The following CHKA variants were observed in gnomAD, a reference collection of about 807,000 sequenced individuals.
The protein encoded by CHKA is choline kinase alpha.
Under a neutral mutation model 60.1 loss-of-function variants are expected in CHKA, and 34 were observed. The ratio of observed to expected loss-of-function variants is 0.57; its 90% CI spans 0.43 to 0.75. The LOEUF (loss-of-function observed/expected upper bound fraction) is 0.75, where lower values mean the gene tolerates loss of function less well. CHKA is among the 30% of genes least tolerant of loss of function. The pLI is 0.00. For synonymous variants in CHKA, 217 were observed against 223.1 expected (o/e 0.97, Z 0.24); for missense variants, 563 against 561.3 (o/e 1.00, Z -0.03).
At chr11:68,083,038 C>T (rs1857037269) in intron 2 of CHKA, among the ~76,000 whole-genome samples, 2 of 152,346 alleles carry the variant, frequency 1.3e-5, no homozygotes, top group South Asian at 2.1e-4. Context: ...CGCATCGTTC[C>T]TTAGACTCTG....
chr11:68,111,781 C>A (rs935177685), intron 1 of CHKA, among the ~76,000 whole-genome samples: 1 of 151,596 alleles, frequency 6.6e-6, no homozygotes, highest in African/African-American at 2.4e-5. Flanking sequence ...ATGCCCGGAG[C>A]GGTAGCTCAC....
chr11:68,061,095 G>GTTTTTTTTTTTTTTTTTTT (rs757176198), intron 11 of CHKA, among the ~76,000 whole-genome samples: 1 of 70,840 alleles, frequency 1.4e-5, no homozygotes, highest in Admixed American at 1.6e-4. Context: ...GTCAGTGACA[G>GTTTTTTTTTTTTTTTTTTT]TTTTTTTTTT....
chr11:68,105,368 A>G (rs773948122), intron 1 of CHKA, among the ~76,000 whole-genome samples: 18 of 151,768 alleles, frequency 1.2e-4, no homozygotes, highest in Non-Finnish European at 2.5e-4. Context: ...TACAAAAATT[A>G]GCTGGGCATG....
chr11:68,084,359 TAC>T (rs1565183185), intron 2 of CHKA, among the ~76,000 whole-genome samples: 1 of 136,940 alleles, frequency 7.3e-6, no homozygotes, highest in African/African-American at 2.7e-5. Context: ...TATATATATA[TAC>T]ACATATATAC....
chr11:68,104,238 G>A (rs1183726681), intron 1 of CHKA, among the ~76,000 whole-genome samples: 1 of 152,116 alleles, frequency 6.6e-6, no homozygotes, highest in Non-Finnish European at 1.5e-5. Context: ...GTCAGGCACA[G>A]AAAGACAGTA....
At chr11:68,111,209 C>T (rs1858121351) in intron 1 of CHKA, among the ~76,000 whole-genome samples, 5 of 151,128 alleles carry the variant, frequency 3.3e-5, no homozygotes, top group Admixed American at 2.6e-4. Flanking sequence ...GTCAGGAGTT[C>T]GAGACCAGCC....
At chr11:68,117,735 T>C (rs1182522043) in intron 1 of CHKA, among the ~76,000 whole-genome samples, 1 of 152,114 alleles carries the variant, frequency 6.6e-6, no homozygotes, top group East Asian at 1.9e-4. Context: ...GTTTAGACCA[T>C]GCAAACAAGT....
At chr11:68,069,787 G>C (rs1446126065) in intron 6 of CHKA, among the ~76,000 whole-genome samples, 1 of 152,068 alleles carries the variant, frequency 6.6e-6, no homozygotes, top group Non-Finnish European at 1.5e-5. Context: ...TCAGAGATCA[G>C]TATGAAGACT....
At chr11:68,065,110 C>G (rs886777464) in intron 9 of CHKA, among the ~76,000 whole-genome samples, 2 of 152,184 alleles carry the variant, frequency 1.3e-5, no homozygotes, top group African/African-American at 4.8e-5. Flanking sequence ...AAGATATTTC[C>G]TCCCACTACT....
chr11:68,085,252 C>A (rs1479186782), intron 2 of CHKA, among the ~76,000 whole-genome samples: 1 of 152,102 alleles, frequency 6.6e-6, no homozygotes, highest in East Asian at 1.9e-4. Context: ...GAGACTGGGT[C>A]TCGCTCTGTC....
chr11:68,112,310 G>T (rs767312002), intron 1 of CHKA, among the ~76,000 whole-genome samples: 12 of 151,904 alleles, frequency 7.9e-5, no homozygotes, highest in Non-Finnish European at 1.8e-4. Context: ...AGTCTGGAGT[G>T]CAGTGCCGCA....
At chr11:68,108,787 T>C (rs1690916070) in intron 1 of CHKA, among the ~76,000 whole-genome samples, 3 of 152,112 alleles carry the variant, frequency 2.0e-5, no homozygotes, top group African/African-American at 2.4e-5. Flanking sequence ...GCCTCCCAAA[T>C]TGGACAGACA....
intron 1 of CHKA, among the ~76,000 whole-genome samples, chr11:68,112,342 C>T (rs1488530755): frequency 1.3e-5 from 2 of 152,068 alleles, no homozygotes; most frequent in Admixed American, 6.6e-5. Context: ...CTGCAACCTC[C>T]GCCTCCCGGG....
In CHKA at chr11:68,074,929, G is replaced by A. The variant is rs1480710228; in HGVS notation, c.517-99C>T. 7 of 1,055,770 alleles carry A rather than the reference G, an allele frequency of 6.6e-6. No homozygotes were observed. In the African/African-American group the frequency reaches 9.4e-5, roughly 14 times the overall value. The allele number at this position is 1,055,770 out of a possible 1,614,324, so 65.4% of individuals were successfully genotyped here. On this transcript the variant is annotated intron_variant, in intron 3 of 11. Coordinates refer to ENST00000265689, the MANE Select transcript of CHKA (RefSeq NM_001277.3). ...GGAGTGTTTCATCTGATCCTCATGA[G>A]TATTCTTTCACGTGGGCACTACTGT...
In CHKA at chr11:68,062,018, G is replaced by A. The variant is rs1439070671; in HGVS notation, c.1249C>T (p.His417Tyr). The A allele has an allele frequency of 6.3e-7, 1 of 1,593,720 alleles. No individual in the cohort carries two copies. Among genetic ancestry groups the A allele is most frequent in the East Asian group, 2.2e-5 (1 of 44,606 alleles). The change falls in exon 11 of 12, where the codon CAT (histidine) becomes TAT (tyrosine). Residue 417 changes from histidine to tyrosine, a missense_variant. Transcript: ENST00000265689. ...ATGGACCACAGTCCCCAGAGGAAAT[G>A]AGATGCAAGGGCAAACCTGGAATGA... ...LEVNRFALAS[H>Y]FLWGLWSIVQ...
chr11:68,078,066 G>C (rs975624108), intron 3 of CHKA, among the ~76,000 whole-genome samples: 5 of 152,132 alleles, frequency 3.3e-5, no homozygotes, highest in Non-Finnish European at 5.9e-5. Context: ...GGACAGAAGA[G>C]GAGGAACCAG....
At chr11:68,067,146 C>T (rs1412314846) in intron 7 of CHKA, among the ~76,000 whole-genome samples, 1 of 152,216 alleles carries the variant, frequency 6.6e-6, no homozygotes, top group Non-Finnish European at 1.5e-5. Context: ...GAGATCCCCA[C>T]ACTCGACATG....
At chr11:68,116,040 CT>C (rs1294903733) in intron 1 of CHKA, among the ~76,000 whole-genome samples, 1 of 152,120 alleles carries the variant, frequency 6.6e-6, no homozygotes, top group Non-Finnish European at 1.5e-5. Context: ...CTTGGCCAGT[CT>C]TTTCATGGGA....
chr11:68,062,179 G>A (rs1048760191), intron 10 of CHKA, 145 bp from the exon 11 acceptor site: 10 of 627,446 alleles, frequency 1.6e-5, no homozygotes, highest in South Asian at 7.6e-5. Flanking sequence ...TATATTCCAC[G>A]GGACTAACTA....
Sources: gnomAD v4.1 joint callset for allele counts (sites outside exome capture counted in the v4.1 genomes callset) on GRCh38, gnomAD v4.1.1 for gene constraint, MANE v1.5 for transcripts, NCBI Gene and HGNC (gene_info 2026-07-23, HGNC 2026-07-21) for gene names.